CDK19: variants seen among roughly 807,000 people sequenced by gnomAD.
CDK19 encodes cyclin dependent kinase 19, also known as cyclin-dependent kinase 19.
Under a neutral mutation model 68.3 loss-of-function variants are expected in CDK19, and 20 were observed. That is an observed-to-expected ratio of 0.29 (90% CI 0.21 to 0.43). The LOEUF is 0.43. CDK19 is among the 20% of genes least tolerant of loss of function. The pLI, the probability that CDK19 is intolerant of heterozygous loss-of-function variation, is 1.00. For missense variants in CDK19, 339 were observed against 623.5 expected (o/e 0.54, Z 4.86); for synonymous variants, 221 against 222.8 (o/e 0.99, Z 0.07).
intron 2 of CDK19, chr6:110,670,797 G>T (rs541253444): frequency 3.5e-6 from 2 of 572,684 alleles, no homozygotes; most frequent in Non-Finnish European, 6.6e-6. Context: ...TCTTGTCAGA[G>T]ACTGCAAGCA....
At chr6:110,782,610 C>T (rs1780900465) in intron 1 of CDK19, among the ~76,000 whole-genome samples, 2 of 152,128 alleles carry the variant, frequency 1.3e-5, no homozygotes, top group Non-Finnish European at 1.5e-5. Flanking sequence ...ATTACAGGGA[C>T]TTTTCACTGC....
intron 2 of CDK19, among the ~76,000 whole-genome samples, chr6:110,728,116 T>C (rs1776467283): frequency 6.6e-6 from 1 of 151,672 alleles, no homozygotes; most frequent in Non-Finnish European, 1.5e-5. Flanking sequence ...GGTGAAACCC[T>C]GTCTCTACTA....
chr6:110,780,174 C>T (rs1347501536), intron 1 of CDK19, among the ~76,000 whole-genome samples: 2 of 151,068 alleles, frequency 1.3e-5, no homozygotes, highest in Non-Finnish European at 2.9e-5. Flanking sequence ...ACAGAGATGG[C>T]GCCACTGCAC....
At chr6:110,686,846 C>A (rs1349800368) in intron 2 of CDK19, among the ~76,000 whole-genome samples, 2 of 152,106 alleles carry the variant, frequency 1.3e-5, no homozygotes, top group African/African-American at 4.8e-5. Context: ...TATGTCAGTG[C>A]AAACTTGGGC....
chr6:110,751,809 T>C (rs2114907316), intron 1 of CDK19, among the ~76,000 whole-genome samples: 2 of 152,174 alleles, frequency 1.3e-5, no homozygotes, highest in South Asian at 2.1e-4. Flanking sequence ...CAACTAGGTG[T>C]TACTAGTAAG....
Position 110,621,241 on chromosome 6 carries a change from C to T in CDK19, c.1240G>A (p.Ala414Thr). The T allele has an allele frequency of 6.2e-7, 1 of 1,613,072 alleles. No individual in the cohort carries two copies. Among genetic ancestry groups the T allele is most frequent in the Non-Finnish European group, 8.5e-7 (1 of 1,179,932 alleles). The change falls in exon 12 of 13, where the codon GCC becomes ACC. Residue 414 changes from alanine (A) to threonine (T), a missense_variant. Physicochemically the swap from Ala to Thr is moderately conservative, Grantham distance 58. Coordinates refer to ENST00000368911, the MANE Select transcript of CDK19 (RefSeq NM_015076.5). This position sits in a 1 kb window ranked among gnomAD's most constrained non-coding sequence, Gnocchi z 5.4. ...QTNGTAGGAG[A>T]GVGGTGAGLQ... ...CCTGCTCCGGTGCCCCCGACCCCGG[C>T]CCCAGCCCCACCTGCGGTCCCGTTG...
At chr6:110,726,137 GA>G (rs1276519141) in intron 2 of CDK19, among the ~76,000 whole-genome samples, 1 of 151,772 alleles carries the variant, frequency 6.6e-6, no homozygotes, top group East Asian at 1.9e-4. Flanking sequence ...ATCTGATTGG[GA>G]AAAAAAGATA....
In CDK19 at chr6:110,688,277, G is replaced by C. The variant is rs376264587; in HGVS notation, c.205-17736C>G. On this transcript the variant is annotated intron_variant, in intron 2 of 12. Coordinates refer to ENST00000368911, the MANE Select transcript of CDK19 (RefSeq NM_015076.5). ...TCACCTGAACCTGGGAGCCGGAGTCGTGCCACTGTACTCCAGCCTGGGCAA... is the reference window on the plus strand; with the variant it reads ...TCACCTGAACCTGGGAGCCGGAGTCCTGCCACTGTACTCCAGCCTGGGCAA... 1.2e-4 allele frequency among the ~76,000 whole-genome samples: 18 copies of C among 151,958 alleles called. No individual in the cohort carries two copies. The South Asian group carries it at 1.9e-3, about 16-fold the overall frequency.
intron 2 of CDK19, among the ~76,000 whole-genome samples, chr6:110,675,426 G>A (rs934012897): frequency 1.3e-5 from 2 of 151,994 alleles, no homozygotes; most frequent in Non-Finnish European, 2.9e-5. Flanking sequence ...TCGGGAGTTC[G>A]AGACCAGCCT....
At chr6:110,623,057 T>C in intron 9 of CDK19, 145 bp from the exon 10 acceptor site, 3 of 676,284 alleles carry the variant, frequency 4.4e-6, no homozygotes, top group Non-Finnish European at 7.8e-6. Flanking sequence ...CATACTTTTA[T>C]GTGAAATTGG....
chr6:110,813,594 T>C (rs935568781), intron 1 of CDK19: 2 of 151,968 alleles, frequency 1.3e-5, no homozygotes, highest in Non-Finnish European at 2.9e-5. Context: ...GAGAAACAAC[T>C]GAGTACCTTA....
chr6:110,629,273 G>A (rs1328049136), intron 6 of CDK19, among the ~76,000 whole-genome samples: 1 of 152,066 alleles, frequency 6.6e-6, no homozygotes, highest in Non-Finnish European at 1.5e-5. Flanking sequence ...ATTTCAAAAG[G>A]CCATCTGGCT....
chr6:110,668,437 A>G (rs1055802567), intron 3 of CDK19, among the ~76,000 whole-genome samples: 47 of 152,216 alleles, frequency 3.1e-4, no homozygotes, highest in African/African-American at 1.1e-3. Context: ...CATTGATTTG[A>G]TTTTAAGAAA....
intron 2 of CDK19, among the ~76,000 whole-genome samples, chr6:110,690,874 A>T (rs1005941249): frequency 6.6e-6 from 1 of 152,206 alleles, no homozygotes; most frequent in Non-Finnish European, 1.5e-5. Context: ...TTTTATAAAA[A>T]GTCAAATAAA....
chr6:110,746,168 A>G lies in CDK19; in HGVS notation c.162T>C (p.Ile54=), dbSNP rs770278684. 3.7e-6 allele frequency: 6 copies of G among 1,603,838 alleles called. No homozygotes were observed. The highest frequency in any genetic ancestry group is 3.4e-5 in the Admixed American group (2 of 58,304). ...CCGACATGGATATTCCTGTGCCTTC[A>G]ATTTGCTTCAATGCATATTCCTTTT... is the stretch of plus-strand genomic sequence containing the variant. The part of the protein sequence containing the change: ...KDEKEYALKQ[I]EGTGISMSAC... Residue 54 remains isoleucine (I), a synonymous_variant, in exon 2 of 13, where the codon ATT becomes ATC. Coordinates refer to ENST00000368911, the MANE Select transcript of CDK19 (RefSeq NM_015076.5).
Position 110,623,285 on chromosome 6 carries a change from C to T in CDK19, c.933+5G>A, listed in dbSNP as rs1372341161. The T allele has an allele frequency of 6.2e-7, 1 of 1,612,320 alleles. No individual in the cohort carries two copies. The highest frequency in any genetic ancestry group is 2.2e-5 in the East Asian group (1 of 44,848). On this transcript the variant is annotated splice_donor_5th_base_variant and intron_variant, in intron 9 of 12. Transcript: ENST00000368911. ...CAGATTTTAGTCTGGGAGAGAAGCA[C>T]CTACCAAGAGGAACACTTTGCTGTC...
chr6:110,662,206 G>A (rs1232876737), intron 4 of CDK19, among the ~76,000 whole-genome samples: 1 of 152,122 alleles, frequency 6.6e-6, no homozygotes, highest in Non-Finnish European at 1.5e-5. Context: ...CTGACCTCAG[G>A]TGATCCACCC....
chr6:110,752,460 ACTG>A (rs1416874658), intron 1 of CDK19, among the ~76,000 whole-genome samples: 2 of 152,194 alleles, frequency 1.3e-5, no homozygotes, highest in Non-Finnish European at 2.9e-5. Flanking sequence ...AACATAAGGT[ACTG>A]CTATTATTTT....
chr6:110,622,025 A>G, intron 11 of CDK19, 63 bp downstream of exon 11: 1 of 896,556 alleles, frequency 1.1e-6, no homozygotes, highest in East Asian at 2.5e-5. Flanking sequence ...ATGGAACGAT[A>G]CCTAAACTAT....
Sources: gnomAD v4.1 joint callset for allele counts (sites outside exome capture counted in the v4.1 genomes callset) on GRCh38, gnomAD v4.1.1 for gene constraint, Gnocchi (gnomAD v3.1) non-coding constraint, MANE v1.5 for transcripts, NCBI Gene and HGNC (gene_info 2026-07-23, HGNC 2026-07-21) for gene names.